The following DLG2 variants were observed in gnomAD, a reference collection of about 807,000 sequenced individuals.
The protein encoded by DLG2 is disks large homolog 2.
Under a neutral mutation model 132.5 loss-of-function variants are expected in DLG2, and 45 were observed. The observed-to-expected ratio is 0.34, with a 90% confidence interval of 0.27 to 0.44. DLG2 has a LOEUF of 0.44. Among genes scored for constraint, DLG2 ranks in the 20% least tolerant of loss-of-function variants. The pLI is 1.00. For synonymous variants in DLG2, 424 were observed against 419.6 expected (o/e 1.01, Z -0.13); for missense variants, 1,045 against 1,196.9 (o/e 0.87, Z 1.87).
intron 11 of DLG2, among the ~76,000 whole-genome samples, chr11:84,038,192 T>G (rs2154100945): frequency 6.6e-6 from 1 of 151,946 alleles, no homozygotes; most frequent in African/African-American, 2.4e-5. Context: ...AAATAAACTA[T>G]CAACTGAGCA....
intron 2 of DLG2, among the ~76,000 whole-genome samples, chr11:85,607,648 T>A (rs993105669): frequency 1.3e-5 from 2 of 152,214 alleles, no homozygotes; most frequent in Admixed American, 1.3e-4. Context: ...CAAAAAGACA[T>A]AATTTTTGCC....
At position 84,406,265 on chromosome 11, in the gene DLG2, T is replaced by C. The variant is rs150926428; in HGVS notation, c.519+128305A>G. ...TCTGTCTGCCCTTGCCCTGCCTATC[T>C]ACCCAGCAAACTAATACCTGACCTT... On this transcript the variant is annotated intron_variant, in intron 7 of 27. Transcript: ENST00000376104. Among the ~76,000 whole-genome samples the C allele has an allele frequency of 4.9e-4, 75 of 152,284 alleles. 2 individuals are homozygous for C. The East Asian group carries it at 0.013, about 25-fold the overall frequency.
At chr11:84,387,412 A>C in intron 7 of DLG2, among the ~76,000 whole-genome samples, 1 of 152,004 alleles carries the variant, frequency 6.6e-6, no homozygotes, top group East Asian at 1.9e-4. Flanking sequence ...AATCATTATA[A>C]TTATTAAGAA....
chr11:84,859,383 TGCATAC>T (rs2083266937), intron 6 of DLG2, among the ~76,000 whole-genome samples: 2 of 146,284 alleles, frequency 1.4e-5, no homozygotes, highest in East Asian at 2.0e-4. Context: ...CACATATATA[TGCATAC>T]ATATATATGT....
intron 7 of DLG2, among the ~76,000 whole-genome samples, chr11:84,388,881 A>G (rs1035339581): frequency 6.6e-6 from 1 of 152,252 alleles, no homozygotes; most frequent in Non-Finnish European, 1.5e-5. Context: ...CACTGACTAC[A>G]TTGAAATTCT....
chr11:85,034,581 T>G (rs2061300398), intron 6 of DLG2, among the ~76,000 whole-genome samples: 1 of 152,184 alleles, frequency 6.6e-6, no homozygotes, highest in Non-Finnish European at 1.5e-5. Context: ...AATTCCTTTT[T>G]TCTCCAGCAT....
chr11:84,022,834 G>A (rs911722613), intron 11 of DLG2, among the ~76,000 whole-genome samples: 12 of 152,072 alleles, frequency 7.9e-5, no homozygotes, highest in African/African-American at 2.9e-4. Context: ...GTTTTCAAAG[G>A]TGGTAGCCAA....
At chr11:83,936,739 C>T (rs1459991946) in intron 14 of DLG2, among the ~76,000 whole-genome samples, 2 of 152,114 alleles carry the variant, frequency 1.3e-5, no homozygotes, top group South Asian at 2.1e-4. Flanking sequence ...GGCTCTCTCA[C>T]GGCAGTGGGT....
At chr11:85,504,654 C>A (rs1238263469) in intron 3 of DLG2, among the ~76,000 whole-genome samples, 1 of 152,130 alleles carries the variant, frequency 6.6e-6, no homozygotes, top group Non-Finnish European at 1.5e-5. Context: ...CGTGGTGCAT[C>A]CAGCTTTGTT....
In DLG2 at chr11:85,274,731, C is replaced by T. The variant is rs143833212; in HGVS notation, c.186+10489G>A. On this transcript the variant is annotated intron_variant, in intron 4 of 27. Coordinates refer to ENST00000376104, the MANE Select transcript of DLG2 (RefSeq NM_001142699.3). ...CTTTCCTCCAAAGCCAGCCATAAAA[C>T]CTTAAAATATTACTTAAAATACCAC... Among the ~76,000 whole-genome samples the T allele has an allele frequency of 1.9e-3, 296 of 152,224 alleles. 3 individuals are homozygous for T. Among genetic ancestry groups the T allele is most frequent in the African/African-American group, 6.6e-3 (276 of 41,560 alleles).
Position 83,633,851 on chromosome 11 carries a change from A to G in DLG2, c.1826-526T>C, listed in dbSNP as rs1276569428. ...AATATCCTAGTTGTGATAATATGCA[A>G]TAGTTTTGCAAAATGTTACTATTGG... On this transcript the variant is annotated intron_variant, in intron 18 of 27. Coordinates refer to ENST00000376104, the MANE Select transcript of DLG2 (RefSeq NM_001142699.3). 4.6e-5 allele frequency among the ~76,000 whole-genome samples: 7 copies of G among 152,188 alleles called. No individual in the cohort carries two copies. In the East Asian group the frequency reaches 1.4e-3, roughly 29 times the overall value.
At chr11:84,607,415 C>G (rs1565440872) in intron 6 of DLG2, among the ~76,000 whole-genome samples, 1 of 152,182 alleles carries the variant, frequency 6.6e-6, no homozygotes, top group South Asian at 2.1e-4. Context: ...TTGAGCTAAA[C>G]TAGAGCAGGC....
intron 3 of DLG2, among the ~76,000 whole-genome samples, chr11:85,521,228 C>G (rs2074288617): frequency 6.6e-6 from 1 of 152,118 alleles, no homozygotes; most frequent in Non-Finnish European, 1.5e-5. Flanking sequence ...GAATGATTCC[C>G]CCATGCTGTT....
At chr11:84,970,326 C>T (rs541876393) in intron 6 of DLG2, among the ~76,000 whole-genome samples, 1 of 152,142 alleles carries the variant, frequency 6.6e-6, no homozygotes, top group South Asian at 2.1e-4. Context: ...TTTCTCCCTA[C>T]CCTAAAGACT....
At chr11:85,528,905 T>A (rs573915176) in intron 3 of DLG2, among the ~76,000 whole-genome samples, 4 of 152,302 alleles carry the variant, frequency 2.6e-5, no homozygotes, top group African/African-American at 7.2e-5. Flanking sequence ...TACAGAGGTG[T>A]GCCTATACAA....
chr11:85,131,225 GATTTCGGTATTGATTTAATTTGTATA>G (rs1413275994), intron 5 of DLG2, among the ~76,000 whole-genome samples: 1 of 152,064 alleles, frequency 6.6e-6, no homozygotes, highest in Non-Finnish European at 1.5e-5. Context: ...AAGGCACTTG[GATTTCGGTATTGATTTAATTTGTATA>G]ATATAGTAGA....
At chr11:83,879,050 A>G (rs2065471543) in intron 15 of DLG2, among the ~76,000 whole-genome samples, 1 of 152,138 alleles carries the variant, frequency 6.6e-6, no homozygotes, top group South Asian at 2.1e-4. Context: ...AAAAAATGAA[A>G]TTTGAATGGT....
intron 6 of DLG2, among the ~76,000 whole-genome samples, chr11:85,078,343 G>C (rs2066816654): frequency 6.6e-6 from 1 of 151,548 alleles, no homozygotes; most frequent in South Asian, 2.1e-4. Context: ...CCTGAAGGAA[G>C]TGAGCGAACT....
intron 6 of DLG2, among the ~76,000 whole-genome samples, chr11:84,539,158 G>A (rs1204416297): frequency 1.3e-5 from 2 of 152,220 alleles, no homozygotes; most frequent in East Asian, 1.9e-4. Flanking sequence ...AGACATAGGT[G>A]TTATTCTCTT....
Sources: gnomAD v4.1 joint callset for allele counts (sites outside exome capture counted in the v4.1 genomes callset) on GRCh38, gnomAD v4.1.1 for gene constraint, MANE v1.5 for transcripts, NCBI Gene and HGNC (gene_info 2026-07-23, HGNC 2026-07-21) for gene names.